The following KLF2 variants were observed in gnomAD, a reference collection of about 807,000 sequenced individuals.
KLF2 encodes the protein KLF transcription factor 2.
KLF2 carries 9 observed loss-of-function variants against 22.2 expected under a neutral mutation model. That is an observed-to-expected ratio of 0.40 (90% CI 0.24 to 0.71). The LOEUF is 0.71. KLF2 is among the 30% of genes least tolerant of loss of function. The pLI is 0.35. For synonymous variants in KLF2, 299 were observed against 264.2 expected (o/e 1.13, Z -1.28); for missense variants, 481 against 542.1 (o/e 0.89, Z 1.12).
intron 2 of KLF2, 133 bp from the exon 3 acceptor site, chr19:16,326,723 C>T (rs1045874464): frequency 2.7e-5 from 23 of 855,224 alleles, no homozygotes; most frequent in African/African-American, 2.5e-4. Flanking sequence ...GGGCAAGGAT[C>T]CCTCAGGGGC....
Position 16,325,747 on chromosome 19 carries a change from G to C in KLF2, c.607G>C (p.Gly203Arg). 1 of 1,220,986 alleles carries C rather than the reference G, an allele frequency of 8.2e-7. No homozygotes were observed. The highest frequency in any genetic ancestry group is 3.6e-5 in the South Asian group (1 of 27,416). The allele number at this position is 1,220,986 out of a possible 1,614,324, so 75.6% of individuals were successfully genotyped here. Residue 203 changes from glycine (G) to arginine (R), a missense_variant, in exon 2 of 3, where the codon GGC becomes CGC. Around this residue, in one of 2 missense-constraint regions of KLF2, gnomAD observed 421 missense variants for 435.1 expected, o/e 0.97. Coordinates refer to ENST00000248071, the MANE Select transcript of KLF2 (RefSeq NM_016270.4). ...GCCGCCTTTCGGTGGCCCTGGTTTC[G>C]GCGCGCCCGGGCCCGGCCTGCATTA... The part of the protein sequence containing the change: ...FPPPFGGPGF[G>R]APGPGLHYAP...
chr19:16,325,523 C>G lies in KLF2; in HGVS notation c.383C>G (p.Ala128Gly). 1 of 1,273,404 alleles carries G rather than the reference C, an allele frequency of 7.9e-7. No homozygotes were observed. The highest frequency in any genetic ancestry group is 3.4e-5 in the East Asian group (1 of 29,626). The allele number at this position is 1,273,404 out of a possible 1,614,324, so 78.9% of individuals were successfully genotyped here. A position where few individuals can be genotyped will look rare whatever the true frequency, so the allele number is the denominator to read the frequency against. Reference sequence around the variant, plus strand: ...CTGGTCAAGGCCGAGCCCCCTGAAGCGGACGGCGGCGGCGGCTACGGCTGC... The same window carrying G: ...CTGGTCAAGGCCGAGCCCCCTGAAGGGGACGGCGGCGGCGGCTACGGCTGC... The part of the protein sequence containing the change: ...GRLVKAEPPE[A>G]DGGGGYGCAP... The change falls in exon 2 of 3, where the codon GCG (alanine) becomes GGG (glycine). Residue 128 changes from alanine to glycine, a missense_variant. By Grantham distance (60) the Ala-to-Gly change is moderately conservative. Coordinates refer to ENST00000248071, the MANE Select transcript of KLF2 (RefSeq NM_016270.4).
In KLF2 at chr19:16,327,311, C is replaced by A; in HGVS notation, c.*280C>A. 2.5e-6 allele frequency: 1 copy of A among 399,728 alleles called. No homozygotes were observed. The allele number at this position is 399,728 out of a possible 1,614,324, so 24.8% of individuals were successfully genotyped here. A position where few individuals can be genotyped will look rare whatever the true frequency, so the allele number is the denominator to read the frequency against. ...AGTGGCATCTTCTCTCCCACCGGGT[C>A]TACACTAGAGGATCGAGGCTTGTGA... On this transcript the variant is annotated 3_prime_UTR_variant, in exon 3 of 3. Coordinates refer to ENST00000248071, the MANE Select transcript of KLF2 (RefSeq NM_016270.4).
chr19:16,326,179 C>A, intron 2 of KLF2, 147 bp downstream of exon 2: 1 of 747,264 alleles, frequency 1.3e-6, no homozygotes, highest in Non-Finnish European at 2.0e-6. Context: ...TTAGGACTCC[C>A]CAGGAGGCGT....
rs933037128 is a variant in KLF2, at chr19:16,325,866, C to T, written c.726C>T (p.Leu242=). ...TGGCGCCCCCCGCCGCCCGCGGTCT[C>T]CTCACGCCGCCTGCGTCCCCGCTGG... ...LGLAPPAARG[L]LTPPASPLEL... is the part of the protein sequence containing the mutation. The change falls in exon 2 of 3, where the codon CTC becomes CTT. Residue 242 remains leucine, a synonymous_variant. Coordinates refer to ENST00000248071, the MANE Select transcript of KLF2 (RefSeq NM_016270.4). 5.5e-6 allele frequency: 8 copies of T among 1,458,196 alleles called. No homozygotes were observed. The highest frequency in any genetic ancestry group is 2.5e-5 in the Admixed American group (1 of 40,226). 90.3% of individuals were successfully genotyped at this position (1,458,196 alleles called of 1,614,324 possible). A position where few individuals can be genotyped will look rare whatever the true frequency, so the allele number is the denominator to read the frequency against.
At position 16,325,377 on chromosome 19, in the gene KLF2, C is replaced by A; in HGVS notation, c.237C>A (p.Gly79=). 2 of 1,429,508 alleles carry A rather than the reference C, an allele frequency of 1.4e-6. No homozygotes were observed. Among genetic ancestry groups the A allele is most frequent in the South Asian group, 2.9e-5 (2 of 68,860 alleles). 88.6% of individuals were successfully genotyped at this position (1,429,508 alleles called of 1,614,324 possible). A position where few individuals can be genotyped will look rare whatever the true frequency, so the allele number is the denominator to read the frequency against. ...PPPAFYYPEP[G]APPPYSAPAG... ...CTGCGTTCTATTACCCCGAACCCGG[C>A]GCGCCCCCGCCCTACAGCGCCCCCG... Residue 79 remains glycine, a synonymous_variant, in exon 2 of 3, where the codon GGC becomes GGA. Transcript: ENST00000248071.
Position 16,325,760 on chromosome 19 carries a change from C to G in KLF2, c.620C>G (p.Pro207Arg), listed in dbSNP as rs1449482349. Reference protein sequence around the residue: ...FGGPGFGAPGPGLHYAPPAPP... With the variant: ...FGGPGFGAPGRGLHYAPPAPP... ...GGCCCTGGTTTCGGCGCGCCCGGGC[C>G]CGGCCTGCATTACGCGCCGCCTGCG... The change falls in exon 2 of 3, where the codon CCC becomes CGC. Residue 207 changes from proline to arginine, a missense_variant. By Grantham distance (103) the Pro-to-Arg change is moderately radical. Around this residue, in one of 2 missense-constraint regions of KLF2, gnomAD observed 421 missense variants for 435.1 expected, o/e 0.97. Transcript: ENST00000248071. 1.8e-5 allele frequency: 22 copies of G among 1,255,508 alleles called. No homozygotes were observed. Among genetic ancestry groups the G allele is most frequent in the Non-Finnish European group, 2.2e-5 (22 of 1,004,492 alleles). The allele number at this position is 1,255,508 out of a possible 1,614,324, so 77.8% of individuals were successfully genotyped here.
rs2091888328 is a variant in KLF2 at position 16,325,886 on chromosome 19, C to A, written c.746C>A (p.Pro249Gln). ...ARGLLTPPAS[P>Q]LELLEAKPKR... ...GGTCTCCTCACGCCGCCTGCGTCCC[C>A]GCTGGAGCTGCTGGAGGCCAAGCCA... The change falls in exon 2 of 3, where the codon CCG becomes CAG. Residue 249 changes from proline to glutamine, a missense_variant. Physicochemically the swap from Pro to Gln is moderately conservative, Grantham distance 76. Coordinates refer to ENST00000248071, the MANE Select transcript of KLF2 (RefSeq NM_016270.4). 2.0e-6 allele frequency: 3 copies of A among 1,487,430 alleles called. No homozygotes were observed. The highest frequency in any genetic ancestry group is 1.5e-5 in the African/African-American group (1 of 68,630). The allele number at this position is 1,487,430 out of a possible 1,614,324, so 92.1% of individuals were successfully genotyped here. A position where few individuals can be genotyped will look rare whatever the true frequency, so the allele number is the denominator to read the frequency against.
In KLF2 at chr19:16,327,081, CGG is replaced by C; in HGVS notation, c.*52_*53del. 1.4e-6 allele frequency: 2 copies of C among 1,466,428 alleles called. No homozygotes were observed. The highest frequency in any genetic ancestry group is 1.8e-6 in the Non-Finnish European group (2 of 1,102,844). The allele number at this position is 1,466,428 out of a possible 1,614,324, so 90.8% of individuals were successfully genotyped here. A position where few individuals can be genotyped will look rare whatever the true frequency, so the allele number is the denominator to read the frequency against. ...CGCGGCCGTGGCGGGTCCCACGCGC[CGG>C]GCGCGGCCCCCTCCCAAACTGTGAC... On this transcript the variant is annotated 3_prime_UTR_variant, in exon 3 of 3. Transcript: ENST00000248071.
rs536664861 is a variant in KLF2 at position 16,325,066 on chromosome 19, G to A, written c.75+68G>A. ...GCGGGCTCGGGGTAGTAGAACGTGG[G>A]CTGCGGGGTGACAGGACGCGAAGGC... On this transcript the variant is annotated intron_variant, in intron 1 of 2. Transcript: ENST00000248071. The A allele has an allele frequency of 3.3e-5, 47 of 1,423,730 alleles. No individual in the cohort carries two copies. The African/African-American group carries it at 4.8e-4, about 15-fold the overall frequency. 88.2% of individuals were successfully genotyped at this position (1,423,730 alleles called of 1,614,324 possible).
In KLF2 at chr19:16,325,864, C is replaced by T. The variant is rs1373661105; in HGVS notation, c.724C>T (p.Leu242Phe). Residue 242 changes from leucine to phenylalanine, a missense_variant, in exon 2 of 3, where the codon CTC (leucine) becomes TTC (phenylalanine). Around this residue, in one of 2 missense-constraint regions of KLF2, gnomAD observed 421 missense variants for 435.1 expected, o/e 0.97. Coordinates refer to ENST00000248071, the MANE Select transcript of KLF2 (RefSeq NM_016270.4). ...LGLAPPAARGLLTPPASPLEL... is the reference protein window; with the variant it reads ...LGLAPPAARGFLTPPASPLEL... ...CCTGGCGCCCCCCGCCGCCCGCGGT[C>T]TCCTCACGCCGCCTGCGTCCCCGCT... is the stretch of plus-strand genomic sequence containing the variant. 4 of 1,429,560 alleles carry T rather than the reference C, an allele frequency of 2.8e-6. No individual in the cohort carries two copies. Among genetic ancestry groups the T allele is most frequent in the Non-Finnish European group, 3.6e-6 (4 of 1,100,640 alleles). 88.6% of individuals were successfully genotyped at this position (1,429,560 alleles called of 1,614,324 possible).
In KLF2 at chr19:16,325,895, T is replaced by G; in HGVS notation, c.755T>G (p.Leu252Arg). Residue 252 changes from leucine to arginine, a missense_variant, in exon 2 of 3, where the codon CTG (leucine) becomes CGG (arginine). Around this residue, in one of 2 missense-constraint regions of KLF2, gnomAD observed 421 missense variants for 435.1 expected, o/e 0.97. Coordinates refer to ENST00000248071, the MANE Select transcript of KLF2 (RefSeq NM_016270.4). The part of the protein sequence containing the change: ...LLTPPASPLE[L>R]LEAKPKRGRR... ...ACGCCGCCTGCGTCCCCGCTGGAGC[T>G]GCTGGAGGCCAAGCCAAAGCGCGGC... is the stretch of plus-strand genomic sequence containing the variant. 3 of 1,497,000 alleles carry G rather than the reference T, an allele frequency of 2.0e-6. No individual in the cohort carries two copies. Among genetic ancestry groups the G allele is most frequent in the Non-Finnish European group, 2.7e-6 (3 of 1,128,886 alleles). 92.7% of individuals were successfully genotyped at this position (1,497,000 alleles called of 1,614,324 possible).
At chr19:16,325,183 G>T (rs2091884398) in intron 1 of KLF2, 33 bp from the exon 2 acceptor site, 1 of 1,449,002 alleles carries the variant, frequency 6.9e-7, no homozygotes, top group South Asian at 1.3e-5. Context: ...GAGCCCCGCC[G>T]CCCGCTCACG....
Position 16,328,216 on chromosome 19 carries a change from G to GA in KLF2, c.*1185_*1186insA, listed in dbSNP as rs1472605134. Among the ~76,000 whole-genome samples, 1 of 152,072 alleles carries GA rather than the reference G, an allele frequency of 6.6e-6. No individual in the cohort carries two copies. Among genetic ancestry groups the GA allele is most frequent in the African/African-American group, 2.4e-5 (1 of 41,408 alleles). On this transcript the variant is annotated 3_prime_UTR_variant, in exon 3 of 3. Transcript: ENST00000248071. ...GGTAGCTTTCTACAATGACCCACCTGTTGTGTGCATTGGAAGGCTAGGAGA... is the reference window on the plus strand; with the variant it reads ...GGTAGCTTTCTACAATGACCCACCTGATTGTGTGCATTGGAAGGCTAGGAGA...
intron 1 of KLF2, 69 bp downstream of exon 1, chr19:16,325,067 C>A: frequency 7.1e-7 from 1 of 1,403,186 alleles, no homozygotes; most frequent in Non-Finnish European, 9.6e-7. Context: ...AGAACGTGGG[C>A]TGCGGGGTGA....
In KLF2 at chr19:16,324,859, A is replaced by T. The variant is rs1360734948; in HGVS notation, c.-65A>T. 2.2e-6 allele frequency: 3 copies of T among 1,364,314 alleles called. No homozygotes were observed. Among genetic ancestry groups the T allele is most frequent in the Non-Finnish European group, 3.0e-6 (3 of 996,758 alleles). 84.5% of individuals were successfully genotyped at this position (1,364,314 alleles called of 1,614,324 possible). On this transcript the variant is annotated 5_prime_UTR_variant, in exon 1 of 3. Coordinates refer to ENST00000248071, the MANE Select transcript of KLF2 (RefSeq NM_016270.4). ...GTCCCCGCCCGCCCGCGCCCCGACC[A>T]GCCCGGCCTCGGGCAGCCACTCACC...
rs1299219832 is a variant in KLF2, at chr19:16,326,951, C to T, written c.988C>T (p.Arg330Trp). The change falls in exon 3 of 3, where the codon CGG (arginine) becomes TGG (tryptophan). Residue 330 changes from arginine (R) to tryptophan (W), a missense_variant. Physicochemically the swap from Arg to Trp is moderately radical, Grantham distance 101. This residue lies in a region of KLF2 where 60 missense variants were observed against 107.0 expected (regional missense o/e 0.56). Transcript: ENST00000248071. ...CCACTACCGAAAGCACACGGGCCAC[C>T]GGCCATTCCAGTGCCATCTGTGCGA... ...TRHYRKHTGH[R>W]PFQCHLCDRA... The T allele has an allele frequency of 1.2e-6, 2 of 1,613,488 alleles. No homozygotes were observed. Among genetic ancestry groups the T allele is most frequent in the Admixed American group, 1.7e-5 (1 of 59,996 alleles).
Position 16,324,836 on chromosome 19 carries a change from C to T in KLF2, c.-88C>T. 1 of 1,169,436 alleles carries T rather than the reference C, an allele frequency of 8.6e-7. No homozygotes were observed. The highest frequency in any genetic ancestry group is 1.2e-6 in the Non-Finnish European group (1 of 834,246). The allele number at this position is 1,169,436 out of a possible 1,614,324, so 72.4% of individuals were successfully genotyped here. ...GCCCGGCCGCGGCCCACAGAGCCGT[C>T]CCCGCCCGCCCGCGCCCCGACCAGC... On this transcript the variant is annotated 5_prime_UTR_variant, in exon 1 of 3. Transcript: ENST00000248071.
chr19:16,325,644 G>A lies in KLF2; in HGVS notation c.504G>A (p.Pro168=), dbSNP rs1427373743. The A allele has an allele frequency of 2.8e-6, 3 of 1,069,060 alleles. No individual in the cohort carries two copies. Among genetic ancestry groups the A allele is most frequent in the African/African-American group, 1.7e-5 (1 of 58,462 alleles). 66.2% of individuals were successfully genotyped at this position (1,069,060 alleles called of 1,614,324 possible). ...TGCGAGGTCCCGGGGGCCGCCCCCC[G>A]CCGCCGCCCGACACACCGCCGCTCA... is the stretch of plus-strand genomic sequence containing the variant. ...SCMRGPGGRP[P]PPPDTPPLSP... The change falls in exon 2 of 3, where the codon CCG becomes CCA. Residue 168 remains proline (P), a synonymous_variant. Coordinates refer to ENST00000248071, the MANE Select transcript of KLF2 (RefSeq NM_016270.4).
Sources: allele counts gnomAD v4.1 joint callset (sites outside exome capture counted in the v4.1 genomes callset), GRCh38; gene constraint gnomAD v4.1.1; regional missense constraint gnomAD v4.1.1; transcripts MANE v1.5; gene names NCBI Gene and HGNC (gene_info 2026-07-23, HGNC 2026-07-21).